Variants in LIG1 observed in about 807,000 individuals in gnomAD.
LIG1 encodes ligase I, DNA, ATP-dependent.
A neutral mutation model predicts 115.7 loss-of-function variants in LIG1; 70 were observed. That is an observed-to-expected ratio of 0.60 (90% CI 0.50 to 0.74). The LOEUF is 0.74. Ranked by LOEUF, LIG1 falls within the 30% of genes least tolerant of loss-of-function variation. The pLI, the probability that LIG1 is intolerant of heterozygous loss-of-function variation, is 0.00. For synonymous variants in LIG1, 487 were observed against 495.3 expected (o/e 0.98, Z 0.22); for missense variants, 1,115 against 1,225.6 (o/e 0.91, Z 1.35).
In LIG1 at chr19:48,137,570, G is replaced by C. The variant is rs746730018; in HGVS notation, c.1206C>G (p.Ser402=). Residue 402 remains serine (S), a synonymous_variant, in exon 13 of 28, where the codon TCC becomes TCG. Transcript: ENST00000263274. The surrounding 1 kb of genome is among the most constrained non-coding windows in gnomAD (Gnocchi z 4.3). ...LMLPPPPLTA[S]GVFSKFRDIA... ...TGTCGCGGAACTTGCTGAAGACCCC[G>C]GAGGCAGTGAGCGGAGGTGGTGGCA... 1 of 1,613,460 alleles carries C rather than the reference G, an allele frequency of 6.2e-7. No individual in the cohort carries two copies. Among genetic ancestry groups the C allele is most frequent in the South Asian group, 1.1e-5 (1 of 91,084 alleles).
At chr19:48,161,538 G>A (rs1042753415) in intron 3 of LIG1, 31 bp from the exon 4 acceptor site, 3 of 1,612,886 alleles carry the variant, frequency 1.9e-6, no homozygotes. Flanking sequence ...GGTGTAAAGG[G>A]GCGACTACAG....
chr19:48,154,567 C>G (rs2035716302), intron 5 of LIG1: 1 of 172,542 alleles, frequency 5.8e-6, no homozygotes, highest in African/African-American at 2.4e-5. Flanking sequence ...TCCTGAATCA[C>G]CCTCTGTTCC....
chr19:48,151,248 C>T lies in LIG1; in HGVS notation c.558G>A (p.Lys186=). 1.2e-6 allele frequency: 2 copies of T among 1,613,042 alleles called. No individual in the cohort carries two copies. Among genetic ancestry groups the T allele is most frequent in the Non-Finnish European group, 1.7e-6 (2 of 1,179,100 alleles). ...GAAACTCACTGGAGGTCTTTAGGGG[C>T]TTGGGAGGCGTGGTGGGCTGGTCCC... ...EDGDQPTTPP[K]PLKTSKAETP... is the part of the protein sequence containing the mutation. Residue 186 remains lysine, a synonymous_variant, in exon 7 of 28, where the codon AAG becomes AAA. Coordinates refer to ENST00000263274, the MANE Select transcript of LIG1 (RefSeq NM_000234.3).
rs1195779934 is a variant in LIG1 at position 48,123,266 on chromosome 19, A to G, written c.2057T>C (p.Phe686Ser). Residue 686 changes from phenylalanine to serine, a missense_variant, in exon 22 of 28, where the codon TTT becomes TCT. Coordinates refer to ENST00000263274, the MANE Select transcript of LIG1 (RefSeq NM_000234.3). Reference protein sequence around the residue: ...SRRRQLLRENFVETEGEFVFA... With the variant: ...SRRRQLLRENSVETEGEFVFA... ...GACAAACTCGCCCTCTGTCTCCACA[A>G]AGTTCTCCCGGAGCAGCTGCCGGCG... 1.2e-6 allele frequency: 2 copies of G among 1,614,048 alleles called. No individual in the cohort carries two copies. The highest frequency in any genetic ancestry group is 3.3e-5 in the Admixed American group (2 of 60,014).
intron 19 of LIG1, among the ~76,000 whole-genome samples, chr19:48,128,472 C>A (rs895609596): frequency 2.0e-5 from 3 of 152,220 alleles, no homozygotes; most frequent in African/African-American, 7.2e-5. Context: ...CCATGATTCC[C>A]CAAAGCTGGG....
At chr19:48,144,783 C>T (rs1473321707) in intron 9 of LIG1, among the ~76,000 whole-genome samples, 2 of 152,128 alleles carry the variant, frequency 1.3e-5, no homozygotes, top group Admixed American at 6.5e-5. Context: ...GGATTATAGG[C>T]GTGAGCCACC....
In LIG1 at chr19:48,154,395, C is replaced by T. The variant is rs559056609; in HGVS notation, c.371-428G>A. 32 of 248,292 alleles carry T rather than the reference C, an allele frequency of 1.3e-4. No individual in the cohort carries two copies. The South Asian group carries it at 1.6e-3, about 13-fold the overall frequency. The allele number at this position is 248,292 out of a possible 1,614,324, so 15.4% of individuals were successfully genotyped here. On this transcript the variant is annotated intron_variant, in intron 5 of 27. Coordinates refer to ENST00000263274, the MANE Select transcript of LIG1 (RefSeq NM_000234.3). ...CTAGCCCCAGGAGAGGCCCTCACCC[C>T]ACGATCGGCAGGAGTTGGTGTATAA... is the stretch of plus-strand genomic sequence containing the variant.
Position 48,121,257 on chromosome 19 carries a change from C to A in LIG1, c.2298G>T (p.Leu766=). Reference sequence around the variant, plus strand: ...ACCGGCCGGCCCGCTTCCCCCGGCCCAGGTAGGCGCCGATCACCACCAGGT... The same window carrying A: ...ACCGGCCGGCCCGCTTCCCCCGGCCAAGGTAGGCGCCGATCACCACCAGGT... ...TLDLVVIGAY[L]GRGKRAGRYG... is the part of the protein sequence containing the mutation. Residue 766 remains leucine (L), a synonymous_variant, in exon 24 of 28, where the codon CTG becomes CTT. Coordinates refer to ENST00000263274, the MANE Select transcript of LIG1 (RefSeq NM_000234.3). 1.2e-6 allele frequency: 2 copies of A among 1,613,764 alleles called. No individual in the cohort carries two copies. Among genetic ancestry groups the A allele is most frequent in the Non-Finnish European group, 1.7e-6 (2 of 1,179,878 alleles).
intron 19 of LIG1, among the ~76,000 whole-genome samples, chr19:48,129,470 T>G (rs896448810): frequency 2.0e-5 from 3 of 152,216 alleles, no homozygotes; most frequent in Non-Finnish European, 1.5e-5. Flanking sequence ...TCTGCTGGGC[T>G]GTGAGCTCAG....
intron 21 of LIG1, chr19:48,123,525 T>A (rs1174096438): frequency 1.6e-6 from 1 of 619,750 alleles, no homozygotes; most frequent in Non-Finnish European, 2.8e-6. Context: ...CCCGACACCA[T>A]TTAGAGTCGG....
intron 5 of LIG1, among the ~76,000 whole-genome samples, chr19:48,156,134 C>T (rs921536908): frequency 2.0e-5 from 3 of 151,940 alleles, no homozygotes; most frequent in African/African-American, 7.3e-5. Context: ...CCTCATTGCT[C>T]ACCATCCCCA....
At position 48,127,304 on chromosome 19, in the gene LIG1, G is replaced by C; in HGVS notation, c.1977C>G (p.Ala659=). The stretch of plus-strand genomic sequence containing the variant: ...CTCCATTGAGGTAGATGAGGTCGAA[G>C]GCGTACAAACACACCTGCACCTGGA... ...SEIQVQVCLY[A]FDLIYLNGES... The change falls in exon 21 of 28, where the codon GCC becomes GCG. Residue 659 remains alanine (A), a synonymous_variant. Coordinates refer to ENST00000263274, the MANE Select transcript of LIG1 (RefSeq NM_000234.3). 6.2e-7 allele frequency: 1 copy of C among 1,613,918 alleles called. No homozygotes were observed. Among genetic ancestry groups the C allele is most frequent in the South Asian group, 1.1e-5 (1 of 91,088 alleles).
chr19:48,141,998 A>G (rs563384287), intron 11 of LIG1, among the ~76,000 whole-genome samples: 136 of 152,156 alleles, frequency 8.9e-4, no homozygotes, highest in Admixed American at 2.6e-3. Flanking sequence ...TCCAAAAAGC[A>G]TCCTTACAAA....
chr19:48,137,199 C>A lies in LIG1; in HGVS notation c.1255-115G>T. The A allele has an allele frequency of 1.1e-6, 1 of 910,276 alleles. No homozygotes were observed. The highest frequency in any genetic ancestry group is 1.8e-6 in the Non-Finnish European group (1 of 568,458). 56.4% of individuals were successfully genotyped at this position (910,276 alleles called of 1,614,324 possible). A position where few individuals can be genotyped will look rare whatever the true frequency, so the allele number is the denominator to read the frequency against. On this transcript the variant is annotated intron_variant, in intron 13 of 27. Transcript: ENST00000263274. The surrounding 1 kb of genome is among the most constrained non-coding windows in gnomAD (Gnocchi z 4.3). Reference sequence around the variant, plus strand: ...GAATACCTGCCCTCCTTCCCTCACCCCATCCCCATGTCCCAGCTCCCATGG... The same window carrying A: ...GAATACCTGCCCTCCTTCCCTCACCACATCCCCATGTCCCAGCTCCCATGG...
chr19:48,152,533 A>G (rs1344516614), intron 6 of LIG1, among the ~76,000 whole-genome samples: 2 of 152,170 alleles, frequency 1.3e-5, no homozygotes, highest in African/African-American at 4.8e-5. Context: ...GTGTAATCTC[A>G]TGCAGGCCCC....
At chr19:48,160,826 G>A (rs1006419769) in intron 4 of LIG1, among the ~76,000 whole-genome samples, 7 of 151,598 alleles carry the variant, frequency 4.6e-5, no homozygotes, top group African/African-American at 1.5e-4. Context: ...TTGAACACCC[G>A]GGCTCAAGCG....
chr19:48,166,510 G>A (rs773286662), intron 1 of LIG1, among the ~76,000 whole-genome samples: 1 of 151,794 alleles, frequency 6.6e-6, no homozygotes, highest in Non-Finnish European at 1.5e-5. Context: ...AGGGACAGAC[G>A]CTGGAGGGAG....
At chr19:48,121,993 CAGA>C (rs1467136418) in intron 23 of LIG1, among the ~76,000 whole-genome samples, 1 of 152,184 alleles carries the variant, frequency 6.6e-6, no homozygotes, top group South Asian at 2.1e-4. Context: ...ATGTGCCAGG[CAGA>C]AGCTCAGCCC....
rs2122856879 is a variant in LIG1, at chr19:48,151,343, A to T, written c.467-4T>A. ...CTTTCTTTCGGGGTCTCCTCTTCTG[A>T]CGATAGACAGAACGGTCAGATGGCA... On this transcript the variant is annotated splice_polypyrimidine_tract_variant and splice_region_variant and intron_variant, in intron 6 of 27. Transcript: ENST00000263274. 3 of 1,575,016 alleles carry T rather than the reference A, an allele frequency of 1.9e-6. No homozygotes were observed. The highest frequency in any genetic ancestry group is 2.6e-6 in the Non-Finnish European group (3 of 1,144,322).
Sources: allele counts gnomAD v4.1 joint callset (sites outside exome capture counted in the v4.1 genomes callset), GRCh38; gene constraint gnomAD v4.1.1; non-coding constraint Gnocchi (gnomAD v3.1); transcripts MANE v1.5; gene names NCBI Gene and HGNC (gene_info 2026-07-23, HGNC 2026-07-21).